The following LOC122539214 variants were observed in gnomAD, a reference collection of about 807,000 sequenced individuals.
the LOC122539214 span, chr19:52,651,276 T>C: frequency 1.3e-5 from 2 of 152,216 alleles, no homozygotes; most frequent in African/African-American, 4.8e-5. Flanking sequence ...CTGAAGATAG[T>C]CAGGATATAT....
the LOC122539214 span, among the ~76,000 whole-genome samples, chr19:52,672,769 T>G: frequency 6.6e-6 from 1 of 152,140 alleles, no homozygotes; most frequent in Non-Finnish European, 1.5e-5. Flanking sequence ...TGGGTTAATT[T>G]TTGTATTTTT....
chr19:52,668,129 C>T, the LOC122539214 span, among the ~76,000 whole-genome samples: 185 of 152,236 alleles, frequency 1.2e-3, no homozygotes, highest in Non-Finnish European at 2.3e-3. Context: ...TCAGCACAGG[C>T]GCCAGCTTCG....
chr19:52,687,877 T>C, the LOC122539214 span, among the ~76,000 whole-genome samples: 2 of 151,160 alleles, frequency 1.3e-5, no homozygotes, highest in African/African-American at 4.9e-5. Context: ...AAAGTGATTT[T>C]TGTTGCACTT....
the LOC122539214 span, among the ~76,000 whole-genome samples, chr19:52,672,929 C>CA: frequency 1.3e-5 from 2 of 151,768 alleles, no homozygotes; most frequent in African/African-American, 2.4e-5. Context: ...ATAATGGGTA[C>CA]AAAAAATAGA....
At chr19:52,681,280 C>CAAAAAAAAAAAAAAAAAA in the LOC122539214 span, among the ~76,000 whole-genome samples, 102 of 75,406 alleles carry the variant, frequency 1.4e-3, 2 homozygotes, top group Non-Finnish European at 1.8e-3. Flanking sequence ...GAGACTTTCT[C>CAAAAAAAAAAAAAAAAAA]AAAAAAAAAA....
chr19:52,688,596 C>G, the LOC122539214 span, among the ~76,000 whole-genome samples: 1 of 151,890 alleles, frequency 6.6e-6, no homozygotes, highest in Non-Finnish European at 1.5e-5. Context: ...TACCTCTCTC[C>G]TCTCCTGCTG....
At chr19:52,675,792 T>G in the LOC122539214 span, among the ~76,000 whole-genome samples, 1 of 152,186 alleles carries the variant, frequency 6.6e-6, no homozygotes, top group Non-Finnish European at 1.5e-5. Flanking sequence ...TCCACTAGGA[T>G]AGACCAAATC....
chr19:52,654,431 C>T, the LOC122539214 span: 12 of 879,642 alleles, frequency 1.4e-5, no homozygotes, highest in Non-Finnish European at 1.9e-5. Flanking sequence ...CAATAGGTTT[C>T]CAATTAAGTA....
the LOC122539214 span, among the ~76,000 whole-genome samples, chr19:52,684,700 C>G: frequency 2.0e-5 from 3 of 151,948 alleles, no homozygotes; most frequent in Non-Finnish European, 4.4e-5. Context: ...GAGCCTAGAA[C>G]TGAAGGAGGA....
chr19:52,657,755 G>C, the LOC122539214 span, among the ~76,000 whole-genome samples: 1 of 151,930 alleles, frequency 6.6e-6, no homozygotes. Flanking sequence ...GCTGAGGCAG[G>C]AGAATCGCTT....
chr19:52,675,410 G>T, the LOC122539214 span, among the ~76,000 whole-genome samples: 125,506 of 151,706 alleles, frequency 0.83, 52,568 homozygotes, highest in African/African-American at 0.96. Context: ...ATATCAAGGG[G>T]GATACAAGGG....
the LOC122539214 span, among the ~76,000 whole-genome samples, chr19:52,656,900 C>T: frequency 5.9e-5 from 9 of 151,776 alleles, no homozygotes; most frequent in East Asian, 1.4e-3. Context: ...TGGGCTTCTC[C>T]ATTAATGCTC....
chr19:52,665,319 G>A, the LOC122539214 span, among the ~76,000 whole-genome samples: 1 of 152,088 alleles, frequency 6.6e-6, no homozygotes, highest in South Asian at 2.1e-4. Context: ...AGGAAGCAGG[G>A]GTAGGAGGAT....
chr19:52,672,045 C>A, the LOC122539214 span, among the ~76,000 whole-genome samples: 2 of 152,060 alleles, frequency 1.3e-5, no homozygotes, highest in Non-Finnish European at 2.9e-5. Context: ...ACTAGCCTGG[C>A]TAACATGGTG....
At chr19:52,676,449 G>C in the LOC122539214 span, among the ~76,000 whole-genome samples, 1 of 151,948 alleles carries the variant, frequency 6.6e-6, no homozygotes, top group South Asian at 2.1e-4. Context: ...CCCATGTCTG[G>C]GATGTGAGGA....
At chr19:52,670,130 C>T in the LOC122539214 span, among the ~76,000 whole-genome samples, 3 of 151,976 alleles carry the variant, frequency 2.0e-5, no homozygotes, top group African/African-American at 4.8e-5. Context: ...TCCACCTTGA[C>T]TCATTCTGAT....
the LOC122539214 span, among the ~76,000 whole-genome samples, chr19:52,668,130 G>A: frequency 6.6e-6 from 1 of 152,176 alleles, no homozygotes; most frequent in African/African-American, 2.4e-5. Context: ...CAGCACAGGC[G>A]CCAGCTTCGG....
chr19:52,654,185 C>T, the LOC122539214 span: 2 of 1,600,412 alleles, frequency 1.2e-6, no homozygotes, highest in South Asian at 1.1e-5. Context: ...TCTGTACTAC[C>T]AGTCAACTTT....
chr19:52,675,656 C>T, the LOC122539214 span, among the ~76,000 whole-genome samples: 1 of 152,084 alleles, frequency 6.6e-6, no homozygotes, highest in African/African-American at 2.4e-5. Flanking sequence ...TGAAAAGAAA[C>T]AGTATTTGCA....
Sources: allele counts gnomAD v4.1 joint callset (sites outside exome capture counted in the v4.1 genomes callset), GRCh38; gene constraint gnomAD v4.1.1; transcripts MANE v1.5.